Variants in SORCS3 observed in about 807,000 individuals in gnomAD.
SORCS3 encodes VPS10 domain-containing receptor SorCS3.
A neutral mutation model predicts 146.3 loss-of-function variants in SORCS3; 57 were observed. That is an observed-to-expected ratio of 0.39 (90% CI 0.31 to 0.49). SORCS3 has a LOEUF of 0.49. Ranked by LOEUF, SORCS3 falls within the 20% of genes least tolerant of loss-of-function variation. The pLI is 0.92. For missense variants in SORCS3, 1,341 were observed against 1,575.5 expected, an observed-to-expected ratio of 0.85 and a Z score of 2.52; for synonymous variants, 653 against 618.5, an observed-to-expected ratio of 1.06 and a Z score of -0.83.
At chr10:105,259,066 C>T (rs759457355) in intron 25 of SORCS3, among the ~76,000 whole-genome samples, 5 of 152,142 alleles carry the variant, frequency 3.3e-5, no homozygotes, top group Admixed American at 6.5e-5. Context: ...ACAACAAGTA[C>T]GTAGGTCAGG....
At chr10:104,856,840 TA>T (rs1446219459) in intron 2 of SORCS3, among the ~76,000 whole-genome samples, 1 of 144,442 alleles carries the variant, frequency 6.9e-6, no homozygotes, top group East Asian at 2.0e-4. Flanking sequence ...TATCAATATA[TA>T]AATAATATAT....
intron 4 of SORCS3, among the ~76,000 whole-genome samples, chr10:105,004,850 G>A (rs868286416): frequency 3.9e-5 from 6 of 151,914 alleles, no homozygotes; most frequent in Non-Finnish European, 5.9e-5. Flanking sequence ...AGAATGCAAC[G>A]TTCAGTCTTA....
chr10:104,760,413 CCAGGGTGCATCAAGAAG>C (rs754929510), intron 1 of SORCS3, among the ~76,000 whole-genome samples: 17 of 152,098 alleles, frequency 1.1e-4, no homozygotes, highest in Non-Finnish European at 1.9e-4. Flanking sequence ...CCTCTGCTAG[CCAGGGTGCATCAAGAAG>C]CAACAAAGAA....
intron 4 of SORCS3, among the ~76,000 whole-genome samples, chr10:105,039,443 C>T (rs568313384): frequency 8.8e-5 from 13 of 148,374 alleles, no homozygotes; most frequent in Non-Finnish European, 4.5e-5. Context: ...CAGTGGCTCT[C>T]TCGCTCTCTT....
At chr10:104,914,316 T>A (rs569700711) in intron 2 of SORCS3, among the ~76,000 whole-genome samples, 1 of 152,160 alleles carries the variant, frequency 6.6e-6, no homozygotes, top group Non-Finnish European at 1.5e-5. Flanking sequence ...AGAAGAGGCA[T>A]GTACAGTGTG....
At chr10:104,930,466 C>T (rs552340674) in intron 3 of SORCS3, among the ~76,000 whole-genome samples, 1 of 152,274 alleles carries the variant, frequency 6.6e-6, no homozygotes, top group African/African-American at 2.4e-5. Flanking sequence ...GATGTGTTTC[C>T]TTCTAGTCCA....
intron 1 of SORCS3, among the ~76,000 whole-genome samples, chr10:104,816,166 G>A (rs1418156186): frequency 6.6e-6 from 1 of 152,136 alleles, no homozygotes; most frequent in African/African-American, 2.4e-5. Context: ...AATGCTCCCT[G>A]GCAGGTCTGG....
At chr10:104,829,884 AT>A (rs2133536010) in intron 1 of SORCS3, among the ~76,000 whole-genome samples, 1 of 152,078 alleles carries the variant, frequency 6.6e-6, no homozygotes, top group East Asian at 1.9e-4. Flanking sequence ...AACTCGAGAT[AT>A]TTTTTGATTT....
intron 3 of SORCS3, among the ~76,000 whole-genome samples, chr10:104,917,747 G>C (rs893966652): frequency 6.6e-6 from 1 of 152,120 alleles, no homozygotes; most frequent in Non-Finnish European, 1.5e-5. Context: ...GTATTTGTCT[G>C]TCTGTGTCTG....
At chr10:104,793,435 G>A (rs2017516774) in intron 1 of SORCS3, among the ~76,000 whole-genome samples, 1 of 152,114 alleles carries the variant, frequency 6.6e-6, no homozygotes, top group Non-Finnish European at 1.5e-5. Context: ...GTCTTAATAG[G>A]GTGACATTGG....
chr10:105,160,067 C>T (rs1375169035), intron 11 of SORCS3, among the ~76,000 whole-genome samples: 1 of 152,200 alleles, frequency 6.6e-6, no homozygotes, highest in African/African-American at 2.4e-5. Context: ...TCACACTCTG[C>T]AATCCATGTG....
At chr10:104,785,074 G>T (rs1344973794) in intron 1 of SORCS3, among the ~76,000 whole-genome samples, 2 of 151,406 alleles carry the variant, frequency 1.3e-5, no homozygotes, top group African/African-American at 4.9e-5. Flanking sequence ...CCGGGCAGGG[G>T]GGCTGACCCC....
At chr10:105,051,243 T>C (rs1312740595) in intron 5 of SORCS3, among the ~76,000 whole-genome samples, 1 of 152,094 alleles carries the variant, frequency 6.6e-6, no homozygotes, top group Non-Finnish European at 1.5e-5. Flanking sequence ...TCACTAGAAG[T>C]ACTAATATAA....
chr10:105,238,971 A>T (rs1366722940), intron 20 of SORCS3, among the ~76,000 whole-genome samples: 6 of 152,168 alleles, frequency 3.9e-5, no homozygotes, highest in African/African-American at 1.4e-4. Context: ...TATAACTATC[A>T]CTTTAGCTTT....
chr10:105,016,326 T>G (rs948348103), intron 4 of SORCS3, among the ~76,000 whole-genome samples: 5 of 150,960 alleles, frequency 3.3e-5, no homozygotes, highest in Admixed American at 3.3e-4. Flanking sequence ...AATCTTTGTA[T>G]TTTTAGTAAA....
At chr10:104,727,172 T>TC (rs2016645835) in intron 1 of SORCS3, among the ~76,000 whole-genome samples, 1 of 152,252 alleles carries the variant, frequency 6.6e-6, no homozygotes. Context: ...GATGTTGAGA[T>TC]ATTATTTGCT....
At chr10:104,832,035 A>C (rs1034468609) in intron 1 of SORCS3, among the ~76,000 whole-genome samples, 3 of 152,188 alleles carry the variant, frequency 2.0e-5, no homozygotes, top group Non-Finnish European at 4.4e-5. Flanking sequence ...TGTCTTTTTC[A>C]GCTACCCATT....
chr10:104,908,590 C>T (rs1465992211), intron 2 of SORCS3, among the ~76,000 whole-genome samples: 1 of 152,120 alleles, frequency 6.6e-6, no homozygotes. Context: ...TTGTACTACT[C>T]CAGTCTGCTT....
At chr10:104,722,118 CAT>C (rs1174174523) in intron 1 of SORCS3, among the ~76,000 whole-genome samples, 1 of 152,152 alleles carries the variant, frequency 6.6e-6, no homozygotes, top group Non-Finnish European at 1.5e-5. Flanking sequence ...GTGGGTTTGT[CAT>C]AGATAGCTCT....
Sources: gnomAD v4.1 joint callset for allele counts (sites outside exome capture counted in the v4.1 genomes callset) on GRCh38, gnomAD v4.1.1 for gene constraint, MANE v1.5 for transcripts, NCBI Gene and HGNC (gene_info 2026-07-23, HGNC 2026-07-21) for gene names.